ZFYVE9: variants seen among roughly 807,000 people sequenced by gnomAD.
The protein encoded by ZFYVE9 is zinc finger FYVE domain-containing protein 9.
ZFYVE9 carries 43 observed loss-of-function variants against 126.7 expected under a neutral mutation model. The ratio of observed to expected loss-of-function variants is 0.34; its 90% CI spans 0.27 to 0.44. The LOEUF is 0.44. Ranked by LOEUF, ZFYVE9 falls within the 20% of genes least tolerant of loss-of-function variation. The pLI is 1.00. For missense variants in ZFYVE9, 1,476 were observed against 1,697.0 expected (o/e 0.87, Z 2.29); for synonymous variants, 521 against 597.4 (o/e 0.87, Z 1.87).
intron 1 of ZFYVE9, among the ~76,000 whole-genome samples, chr1:52,194,048 G>A (rs1428938352): frequency 6.6e-6 from 1 of 152,146 alleles, no homozygotes; most frequent in African/African-American, 2.4e-5. Context: ...AGCGAAGGTT[G>A]CAGTGAGCTG....
At chr1:52,323,895 C>CA (rs35308713) in intron 13 of ZFYVE9, among the ~76,000 whole-genome samples, 108,114 of 126,056 alleles carry the variant, frequency 0.86, 46,686 homozygotes, top group Non-Finnish European at 0.93. Context: ...CTACTAAATA[C>CA]AAAAAAAAAA....
intron 2 of ZFYVE9, among the ~76,000 whole-genome samples, chr1:52,218,033 A>C (rs981337567): frequency 6.6e-6 from 1 of 152,046 alleles, no homozygotes; most frequent in Admixed American, 6.6e-5. Flanking sequence ...AATAAGATAG[A>C]CTCGAACCTG....
chr1:52,158,530 C>T (rs530219177), intron 1 of ZFYVE9, among the ~76,000 whole-genome samples: 3 of 152,324 alleles, frequency 2.0e-5, no homozygotes, highest in African/African-American at 7.2e-5. Context: ...TATCCGTAAC[C>T]TGTCTATCAG....
chr1:52,178,355 G>A (rs535214992), intron 1 of ZFYVE9, among the ~76,000 whole-genome samples: 3 of 146,830 alleles, frequency 2.0e-5, no homozygotes, highest in Admixed American at 6.8e-5. Context: ...TTTTTGAGAC[G>A]GAGTCTCGCA....
At position 52,346,256 on chromosome 1, in the gene ZFYVE9, G is replaced by A. The variant is rs199860157; in HGVS notation, c.*35G>A. 131 of 1,504,146 alleles carry A rather than the reference G, an allele frequency of 8.7e-5. No individual in the cohort carries two copies. In the African/African-American group the frequency reaches 1.7e-3, roughly 19 times the overall value. The allele number at this position is 1,504,146 out of a possible 1,614,324, so 93.2% of individuals were successfully genotyped here. Reference sequence around the variant, plus strand: ...ACTTCATTTTTTTCTGTTCAGACTTGTTGCAACAGCAGTCATACCCAAATC... The same window carrying A: ...ACTTCATTTTTTTCTGTTCAGACTTATTGCAACAGCAGTCATACCCAAATC... On this transcript the variant is annotated 3_prime_UTR_variant, in exon 19 of 19. Transcript: ENST00000287727.
chr1:52,166,668 G>A (rs958161899), intron 1 of ZFYVE9, among the ~76,000 whole-genome samples: 15 of 152,124 alleles, frequency 9.9e-5, no homozygotes, highest in Middle Eastern at 3.4e-3. Context: ...TAATCCCAGC[G>A]TGAGGAGGCC....
At chr1:52,341,050 G>C (rs571469591) in intron 17 of ZFYVE9, among the ~76,000 whole-genome samples, 2 of 151,498 alleles carry the variant, frequency 1.3e-5, no homozygotes, top group South Asian at 2.1e-4. Flanking sequence ...GAGAAACCCC[G>C]TCTCTACTAA....
chr1:52,288,876 G>T (rs1645889173), intron 10 of ZFYVE9, among the ~76,000 whole-genome samples: 1 of 148,140 alleles, frequency 6.8e-6, no homozygotes, highest in South Asian at 2.1e-4. Context: ...CAGTGAGCTG[G>T]GATCACGCCA....
intron 1 of ZFYVE9, among the ~76,000 whole-genome samples, chr1:52,158,198 CTGCT>C (rs1644420694): frequency 6.6e-6 from 1 of 152,228 alleles, no homozygotes; most frequent in Non-Finnish European, 1.5e-5. Flanking sequence ...TCTAATGTTC[CTGCT>C]TGCTTAAGCA....
At chr1:52,181,595 G>T (rs1644704199) in intron 1 of ZFYVE9, among the ~76,000 whole-genome samples, 1 of 151,474 alleles carries the variant, frequency 6.6e-6, no homozygotes, top group Non-Finnish European at 1.5e-5. Flanking sequence ...TCTGGAAAGT[G>T]AGGAGCGTCT....
At chr1:52,182,164 G>T (rs544167323) in intron 1 of ZFYVE9, among the ~76,000 whole-genome samples, 127 of 152,026 alleles carry the variant, frequency 8.4e-4, no homozygotes, top group African/African-American at 2.9e-3. Flanking sequence ...TGCCCCATCG[G>T]GGAGGTGAGG....
At chr1:52,196,899 C>G (rs758620788) in intron 1 of ZFYVE9, among the ~76,000 whole-genome samples, 3 of 152,024 alleles carry the variant, frequency 2.0e-5, no homozygotes, top group Non-Finnish European at 4.4e-5. Context: ...GAGAGGTAGG[C>G]AAGTGTTAAA....
chr1:52,331,132 G>A (rs908848224), intron 13 of ZFYVE9, among the ~76,000 whole-genome samples: 2 of 152,124 alleles, frequency 1.3e-5, no homozygotes, highest in African/African-American at 2.4e-5. Context: ...GCCTCCTAAA[G>A]TGCTGGGATT....
chr1:52,305,940 A>G (rs1350033367), intron 13 of ZFYVE9, among the ~76,000 whole-genome samples: 1 of 152,174 alleles, frequency 6.6e-6, no homozygotes. Flanking sequence ...AAACATAGGA[A>G]GTAAGCTGAT....
Position 52,174,978 on chromosome 1 carries a change from T to C in ZFYVE9, c.-143+32575T>C, listed in dbSNP as rs1349076933. On this transcript the variant is annotated intron_variant, in intron 1 of 18. Transcript: ENST00000287727. ...TATCCAATTTGCCAGTCTGTGTCTT[T>C]TAATTGGAGCGTTTAGTCCATTTAC... Among the ~76,000 whole-genome samples the C allele has an allele frequency of 4.6e-5, 7 of 152,334 alleles. No individual in the cohort carries two copies. The South Asian group carries it at 1.4e-3, about 32-fold the overall frequency.
chr1:52,212,255 C>T (rs1232187069), intron 1 of ZFYVE9, among the ~76,000 whole-genome samples: 1 of 152,232 alleles, frequency 6.6e-6, no homozygotes, highest in East Asian at 1.9e-4. Flanking sequence ...AGTTGTCCTC[C>T]TGCCTCAGTC....
At chr1:52,312,891 A>G (rs1445864656) in intron 13 of ZFYVE9, among the ~76,000 whole-genome samples, 1 of 152,178 alleles carries the variant, frequency 6.6e-6, no homozygotes, top group Non-Finnish European at 1.5e-5. Context: ...TCAGAATATG[A>G]CTTTATTTGG....
At chr1:52,254,378 T>TA (rs35072882) in intron 4 of ZFYVE9, among the ~76,000 whole-genome samples, 10,902 of 120,618 alleles carry the variant, frequency 0.09, 450 homozygotes, top group Non-Finnish European at 0.11. Context: ...TTTACATTAC[T>TA]AAAAAAAAAA....
rs1645240539 is a variant in ZFYVE9, at chr1:52,233,185, C to CT, written c.-20dup. 6.5e-7 allele frequency: 1 copy of CT among 1,542,490 alleles called. No individual in the cohort carries two copies. The highest frequency in any genetic ancestry group is 1.4e-5 in the African/African-American group (1 of 73,136). Reference sequence around the variant, plus strand: ...TTACTTTTTAGGTTTAAACAAGTCTCTTAAGTGGTGTTTCCTCACCGATGG... The same window carrying CT: ...TTACTTTTTAGGTTTAAACAAGTCTCTTTAAGTGGTGTTTCCTCACCGATGG... On this transcript the variant is annotated 5_prime_UTR_variant, in exon 3 of 19. Transcript: ENST00000287727.
Sources: allele counts gnomAD v4.1 joint callset (sites outside exome capture counted in the v4.1 genomes callset), GRCh38; gene constraint gnomAD v4.1.1; transcripts MANE v1.5; gene names NCBI Gene and HGNC (gene_info 2026-07-23, HGNC 2026-07-21).